Variants in TM9SF4 observed in about 807,000 individuals in gnomAD.
TM9SF4 encodes transmembrane 9 superfamily member 4.
In TM9SF4, 26 loss-of-function variants were observed where a neutral mutation model predicts 90.4. That is an observed-to-expected ratio of 0.29 (90% confidence interval 0.21 to 0.40). The LOEUF (loss-of-function observed/expected upper bound fraction) is 0.40. Ranked by LOEUF, TM9SF4 falls within the 10% of genes least tolerant of loss-of-function variation. TM9SF4 has a pLI of 1.00. For missense variants in TM9SF4, 549 were observed against 834.8 expected (o/e 0.66, Z 4.22); for synonymous variants, 293 against 315.4 (o/e 0.93, Z 0.75).
chr20:32,116,206 A>G (rs974860227), intron 1 of TM9SF4: 1 of 150,602 alleles, frequency 6.6e-6, no homozygotes, highest in Non-Finnish European at 1.5e-5. Flanking sequence ...CGTCTCCAGA[A>G]CTTTTTCATC....
At chr20:32,119,943 C>T (rs1047625418) in intron 1 of TM9SF4, among the ~76,000 whole-genome samples, 2 of 152,104 alleles carry the variant, frequency 1.3e-5, no homozygotes, top group African/African-American at 2.4e-5. Flanking sequence ...GCCTTGTCAG[C>T]TTTGTTGAAA....
intron 1 of TM9SF4, among the ~76,000 whole-genome samples, chr20:32,121,068 G>A (rs892045410): frequency 6.6e-6 from 1 of 152,082 alleles, no homozygotes; most frequent in African/African-American, 2.4e-5. Flanking sequence ...GAACACACAG[G>A]ATAGTTGTCC....
Position 32,165,161 on chromosome 20 carries a change from C to T in TM9SF4, c.1780-134C>T. ...GCCCATGAACCCTGCCTGCCGCTTG[C>T]CACCCACTGGAGCACGCCCCTTCCC... On this transcript the variant is annotated intron_variant, in intron 17 of 17. Coordinates refer to ENST00000398022, the MANE Select transcript of TM9SF4 (RefSeq NM_014742.4). The T allele has an allele frequency of 2.5e-6, 3 of 1,177,840 alleles. No homozygotes were observed. The South Asian group carries it at 4.1e-5, about 16-fold the overall frequency. The allele number at this position is 1,177,840 out of a possible 1,614,324, so 73.0% of individuals were successfully genotyped here.
Position 32,165,281 on chromosome 20 carries a change from G to C in TM9SF4, c.1780-14G>C. 1 of 1,613,970 alleles carries C rather than the reference G, an allele frequency of 6.2e-7. No individual in the cohort carries two copies. Among genetic ancestry groups the C allele is most frequent in the Non-Finnish European group, 8.5e-7 (1 of 1,179,936 alleles). Reference sequence around the variant, plus strand: ...TAAGCATGCACCCTGTCTTCTTTCTGCTCGTGGCCGCAGCTGGACATCGTG... The same window carrying C: ...TAAGCATGCACCCTGTCTTCTTTCTCCTCGTGGCCGCAGCTGGACATCGTG... On this transcript the variant is annotated splice_polypyrimidine_tract_variant and intron_variant, in intron 17 of 17. Transcript: ENST00000398022.
Position 32,158,493 on chromosome 20 carries a change from C to A in TM9SF4, c.1548C>A (p.Ile516=). The A allele has an allele frequency of 6.2e-7, 1 of 1,614,188 alleles. No homozygotes were observed. The highest frequency in any genetic ancestry group is 8.5e-7 in the Non-Finnish European group (1 of 1,180,028). The change falls in exon 15 of 18, where the codon ATC becomes ATA. Residue 516 remains isoleucine, a synonymous_variant. Transcript: ENST00000398022. ...AGILPFGAMF[I]ELFFIFSAIW... ...TCTTGCCCTTCGGCGCCATGTTCAT[C>A]GAGCTCTTCTTCATCTTCAGTGTGA...
chr20:32,115,286 A>G (rs553174236), intron 1 of TM9SF4, among the ~76,000 whole-genome samples: 2 of 152,330 alleles, frequency 1.3e-5, no homozygotes, highest in Non-Finnish European at 2.9e-5. Flanking sequence ...TACAACTTGG[A>G]CAAACGTCTC....
chr20:32,145,718 G>C (rs1382710897), intron 8 of TM9SF4, among the ~76,000 whole-genome samples: 1 of 152,228 alleles, frequency 6.6e-6, no homozygotes, highest in Non-Finnish European at 1.5e-5. Context: ...CACTTTGCCA[G>C]ATGCTGGGAA....
chr20:32,143,848 G>T (rs754111502), intron 6 of TM9SF4, among the ~76,000 whole-genome samples: 1 of 152,010 alleles, frequency 6.6e-6, no homozygotes, highest in Non-Finnish European at 1.5e-5. Context: ...CTTCCCGAGC[G>T]CAGTTCTACG....
intron 1 of TM9SF4, among the ~76,000 whole-genome samples, chr20:32,110,839 T>G (rs1266742393): frequency 6.6e-6 from 1 of 152,200 alleles, no homozygotes; most frequent in Non-Finnish European, 1.5e-5. Flanking sequence ...AAAAGTTTAG[T>G]TCAAATTCTG....
intron 3 of TM9SF4, 108 bp from the exon 4 acceptor site, chr20:32,141,389 G>A: frequency 7.4e-7 from 1 of 1,357,206 alleles, no homozygotes; most frequent in Non-Finnish European, 1.0e-6. Flanking sequence ...CACTGCTGAA[G>A]TCCTTGAAAG....
At chr20:32,123,535 G>C (rs1033707724) in intron 1 of TM9SF4, among the ~76,000 whole-genome samples, 2 of 150,596 alleles carry the variant, frequency 1.3e-5, no homozygotes, top group African/African-American at 4.9e-5. Flanking sequence ...TCCTTTATCA[G>C]TTTCTAAGTG....
In TM9SF4 at chr20:32,156,942, C is replaced by CTTT. The variant is rs71185385; in HGVS notation, c.1330-839_1330-837dup. 2.4e-4 allele frequency among the ~76,000 whole-genome samples: 25 copies of CTTT among 103,464 alleles called. 2 individuals are homozygous for CTTT. Among genetic ancestry groups the CTTT allele is most frequent in the Middle Eastern group, 6.3e-3 (1 of 158 alleles). 67.9% of individuals were successfully genotyped at this position (103,464 alleles called of 152,430 possible). A position where few individuals can be genotyped will look rare whatever the true frequency, so the allele number is the denominator to read the frequency against. On this transcript the variant is annotated intron_variant, in intron 13 of 17. Transcript: ENST00000398022. ...TATTTTTTTTTTTCCTGGACATTTT[C>CTTT]TTTTTTTTTTTTTTTGAGACGAAGT...
At chr20:32,115,193 C>A (rs1450691696) in intron 1 of TM9SF4, among the ~76,000 whole-genome samples, 1 of 152,068 alleles carries the variant, frequency 6.6e-6, no homozygotes. Context: ...TCTGAGGGGT[C>A]CCTTTAAAGG....
chr20:32,144,984 A>T, intron 6 of TM9SF4, 107 bp from the exon 7 acceptor site: 1 of 941,078 alleles, frequency 1.1e-6, no homozygotes, highest in Non-Finnish European at 1.7e-6. Flanking sequence ...CTCCCACCCT[A>T]GAGGCTGGGT....
intron 1 of TM9SF4, among the ~76,000 whole-genome samples, chr20:32,115,725 G>T (rs1159870240): frequency 8.6e-5 from 13 of 150,424 alleles, no homozygotes; most frequent in African/African-American, 2.9e-4. Context: ...GTGATTTTGG[G>T]AAAACCGTTT....
At chr20:32,155,864 G>C (rs945989252) in intron 13 of TM9SF4, among the ~76,000 whole-genome samples, 1 of 152,182 alleles carries the variant, frequency 6.6e-6, no homozygotes, top group Non-Finnish European at 1.5e-5. Flanking sequence ...GCTTACAGAG[G>C]AGGGGTTTCT....
intron 1 of TM9SF4, among the ~76,000 whole-genome samples, chr20:32,120,242 TC>T (rs1373330486): frequency 1.3e-5 from 2 of 152,170 alleles, no homozygotes; most frequent in African/African-American, 2.4e-5. Flanking sequence ...AGAACTGACA[TC>T]CTGACAATAT....
intron 14 of TM9SF4, among the ~76,000 whole-genome samples, chr20:32,158,224 G>A (rs1232638044): frequency 6.6e-6 from 1 of 152,082 alleles, no homozygotes; most frequent in Non-Finnish European, 1.5e-5. Flanking sequence ...TTGGACCTTG[G>A]GCAAGTCACC....
At chr20:32,155,031 C>G in intron 12 of TM9SF4, 72 bp from the exon 13 acceptor site, 2 of 1,180,440 alleles carry the variant, frequency 1.7e-6, no homozygotes, top group Non-Finnish European at 2.5e-6. Context: ...AGCTTCTGGT[C>G]TGGGGGCCCC....
Sources: gnomAD v4.1 joint callset for allele counts (sites outside exome capture counted in the v4.1 genomes callset) on GRCh38, gnomAD v4.1.1 for gene constraint, MANE v1.5 for transcripts, NCBI Gene and HGNC (gene_info 2026-07-23, HGNC 2026-07-21) for gene names.